MAP4K2: variants seen among roughly 807,000 people sequenced by gnomAD.
MAP4K2 encodes B lymphocyte serine/threonine protein kinase.
A neutral mutation model predicts 125.3 loss-of-function variants in MAP4K2; 85 were observed. That is an observed-to-expected ratio of 0.68 (90% CI 0.57 to 0.81). The LOEUF (loss-of-function observed/expected upper bound fraction) is 0.81. Ranked by LOEUF, MAP4K2 falls within the 40% of genes least tolerant of loss-of-function variation. The pLI is 0.00. For missense variants in MAP4K2, 923 were observed against 1,056.4 expected, an observed-to-expected ratio of 0.87 and a Z score of 1.75; for synonymous variants, 479 against 445.1, an observed-to-expected ratio of 1.08 and a Z score of -0.96.
chr11:64,802,828 C>T lies in MAP4K2; in HGVS notation c.154+57G>A, dbSNP rs1941307443. The T allele has an allele frequency of 3.2e-6, 5 of 1,554,042 alleles. No individual in the cohort carries two copies. In the South Asian group the frequency reaches 4.7e-5, roughly 14 times the overall value. The stretch of plus-strand genomic sequence containing the variant: ...AAACGTCAACCCTCCGCCCGCACCC[C>T]GCGCCCGCGGGCGCTCTGCCCTTCC... On this transcript the variant is annotated intron_variant, in intron 2 of 31. Transcript: ENST00000294066.
Position 64,802,129 on chromosome 11 carries a change from G to A in MAP4K2, c.311-8C>T. The A allele has an allele frequency of 6.2e-7, 1 of 1,612,786 alleles. No individual in the cohort carries two copies. The highest frequency in any genetic ancestry group is 8.5e-7 in the Non-Finnish European group (1 of 1,179,788). ...CCTCCAGGGGCCCAGTGGCTGAAAGGAAAAGGGAGAGGCTGGCTTGGGGGC... is the reference window on the plus strand; with the variant it reads ...CCTCCAGGGGCCCAGTGGCTGAAAGAAAAAGGGAGAGGCTGGCTTGGGGGC... On this transcript the variant is annotated splice_polypyrimidine_tract_variant and splice_region_variant and intron_variant, in intron 4 of 31. Coordinates refer to ENST00000294066, the MANE Select transcript of MAP4K2 (RefSeq NM_004579.5).
In MAP4K2 at chr11:64,797,366, T is replaced by A; in HGVS notation, c.1185A>T (p.Pro395=). 1 of 1,589,472 alleles carries A rather than the reference T, an allele frequency of 6.3e-7. No individual in the cohort carries two copies. ...GCTTGATGGTTCCCATGGTATCGTCTGGGGAGTCCAGCTCCTGGTAGGAGG... is the reference window on the plus strand; with the variant it reads ...GCTTGATGGTTCCCATGGTATCGTCAGGGGAGTCCAGCTCCTGGTAGGAGG... ...SASEFQELDS[P]DDTMGTIKRA... Residue 395 remains proline (P), a synonymous_variant, in exon 18 of 32, where the codon CCA becomes CCT. Coordinates refer to ENST00000294066, the MANE Select transcript of MAP4K2 (RefSeq NM_004579.5).
intron 12 of MAP4K2, among the ~76,000 whole-genome samples, 190 bp from the exon 13 acceptor site, chr11:64,799,873 G>A (rs1410386442): frequency 6.6e-6 from 1 of 152,218 alleles, no homozygotes; most frequent in African/African-American, 2.4e-5. Context: ...CACACAGAAA[G>A]CAAGAAAATG....
At position 64,799,528 on chromosome 11, in the gene MAP4K2, A is replaced by T. The variant is rs776659995; in HGVS notation, c.995-49T>A. 6.2e-6 allele frequency: 10 copies of T among 1,611,516 alleles called. No homozygotes were observed. The South Asian group carries it at 1.1e-4, about 18-fold the overall frequency. On this transcript the variant is annotated intron_variant, in intron 13 of 31. Coordinates refer to ENST00000294066, the MANE Select transcript of MAP4K2 (RefSeq NM_004579.5). The stretch of plus-strand genomic sequence containing the variant: ...TGAAGGAGCTGGAGTCTCAGGATGG[A>T]CCTCTACTCACACCAAATCCATGTG...
rs1940512022 is a variant in MAP4K2, at chr11:64,792,009, C to T, written c.1992G>A (p.Val664=). ...LVLDGKELPQ[V]CVGAEGPEGP... Reference sequence around the variant, plus strand: ...CCTCAGGCCCCTCGGCCCCAACACACACCTGCGGCAGCTCCTTCCCATCCA... The same window carrying T: ...CCTCAGGCCCCTCGGCCCCAACACATACCTGCGGCAGCTCCTTCCCATCCA... The change falls in exon 27 of 32, where the codon GTG becomes GTA. Residue 664 remains valine, a synonymous_variant. Transcript: ENST00000294066. 23 of 1,598,932 alleles carry T rather than the reference C, an allele frequency of 1.4e-5. No homozygotes were observed. The highest frequency in any genetic ancestry group is 2.0e-5 in the Non-Finnish European group (23 of 1,173,388).
chr11:64,794,939 T>C (rs1940704008), intron 24 of MAP4K2, among the ~76,000 whole-genome samples: 1 of 152,128 alleles, frequency 6.6e-6, no homozygotes, highest in Non-Finnish European at 1.5e-5. Flanking sequence ...CAGGCTTCAA[T>C]GCAGTGGTAC....
chr11:64,798,671 G>A (rs1329081801), intron 15 of MAP4K2, 123 bp downstream of exon 15: 18 of 989,658 alleles, frequency 1.8e-5, no homozygotes, highest in Non-Finnish European at 4.7e-6. Flanking sequence ...CTGACCTCAG[G>A]TGATCCACCC....
rs1169635749 is a variant in MAP4K2 at position 64,798,777 on chromosome 11, C to T, written c.1097+17G>A. The T allele has an allele frequency of 1.9e-6, 3 of 1,612,768 alleles. No individual in the cohort carries two copies. Among genetic ancestry groups the T allele is most frequent in the Non-Finnish European group, 2.5e-6 (3 of 1,179,446 alleles). Reference sequence around the variant, plus strand: ...CCGCCCCTGCCACCCCCTGCAGCTTCCCCATACCTCACTTACCCACTCAAC... The same window carrying T: ...CCGCCCCTGCCACCCCCTGCAGCTTTCCCATACCTCACTTACCCACTCAAC... On this transcript the variant is annotated intron_variant, in intron 15 of 31. Coordinates refer to ENST00000294066, the MANE Select transcript of MAP4K2 (RefSeq NM_004579.5).
rs1940795275 is a variant in MAP4K2, at chr11:64,796,325, G to A, written c.1699C>T (p.Gln567Ter). The A allele has an allele frequency of 6.4e-7, 1 of 1,553,654 alleles. No individual in the cohort carries two copies. The highest frequency in any genetic ancestry group is 8.7e-7 in the Non-Finnish European group (1 of 1,149,122). ...GLFEQRRLQQ[Q>*]VPLSIPTNRL... ...TTGGTGGGGATGGAGAGGGGAACCT[G>A]TTGCTGTAGCCTCCGCTGCTCAAAC... Residue 567 changes from glutamine (Q) to a stop codon, truncating the protein, a stop_gained, in exon 24 of 32, where the codon CAG (glutamine) becomes TAG (stop). Coordinates refer to ENST00000294066, the MANE Select transcript of MAP4K2 (RefSeq NM_004579.5). LOFTEE classifies it high-confidence loss of function.
rs972159966 is a variant in MAP4K2 at position 64,792,062 on chromosome 11, G to C, written c.1939C>G (p.Pro647Ala). ...LKNFSSPLPS[P>A]AGMLEPLVLD... ...ACCAGCGGCTCCAGCATCCCAGCTG[G>C]GCTGGGCAGAGGGCTGGAGAAGTTC... Residue 647 changes from proline to alanine, a missense_variant, in exon 27 of 32, where the codon CCA becomes GCA. By Grantham distance (27) the Pro-to-Ala change is conservative. This residue lies in a region of MAP4K2 where 833 missense variants were observed against 911.4 expected (regional missense o/e 0.91). Transcript: ENST00000294066. 4 of 1,591,678 alleles carry C rather than the reference G, an allele frequency of 2.5e-6. No individual in the cohort carries two copies. The highest frequency in any genetic ancestry group is 3.4e-6 in the Non-Finnish European group (4 of 1,169,484).
In MAP4K2 at chr11:64,797,290, G is replaced by A; in HGVS notation, c.1261C>T (p.Leu421=). ...LPTDPPAEEP[L]SSPPGTLPPP... is the part of the protein sequence containing the mutation. ...TGAGACTCACCTGGGGGACTGGACA[G>A]AGGCTCCTCTGCTGGAGGGTCAGTG... is the stretch of plus-strand genomic sequence containing the variant. The change falls in exon 18 of 32, where the codon CTG becomes TTG. Residue 421 remains leucine (L), a synonymous_variant. Coordinates refer to ENST00000294066, the MANE Select transcript of MAP4K2 (RefSeq NM_004579.5). 1.2e-6 allele frequency: 2 copies of A among 1,601,846 alleles called. No homozygotes were observed. Among genetic ancestry groups the A allele is most frequent in the Non-Finnish European group, 1.7e-6 (2 of 1,174,384 alleles).
chr11:64,801,893 G>A (rs1050656071), intron 5 of MAP4K2, 136 bp from the exon 6 acceptor site: 2 of 1,152,788 alleles, frequency 1.7e-6, no homozygotes, highest in Non-Finnish European at 2.5e-6. Context: ...ACTGAGCCAA[G>A]AGGGAAATGG....
intron 4 of MAP4K2, 115 bp from the exon 5 acceptor site, chr11:64,802,236 G>A (rs774222406): frequency 9.0e-7 from 1 of 1,107,332 alleles, no homozygotes; most frequent in Non-Finnish European, 1.3e-6. Flanking sequence ...TGTTGGCCAC[G>A]TCCCCTCCCA....
At position 64,800,410 on chromosome 11, in the gene MAP4K2, C is replaced by A. The variant is rs749367016; in HGVS notation, c.726-18G>T. 4 of 1,612,966 alleles carry A rather than the reference C, an allele frequency of 2.5e-6. No individual in the cohort carries two copies. Among genetic ancestry groups the A allele is most frequent in the Middle Eastern group, 1.7e-4 (1 of 6,058 alleles). On this transcript the variant is annotated intron_variant, in intron 10 of 31. Transcript: ENST00000294066. Reference sequence around the variant, plus strand: ...TCTGGGTCCTAGAAGGCACAAGAGCCCCCCAGCGCCAGATCCAGGTTAGCC... The same window carrying A: ...TCTGGGTCCTAGAAGGCACAAGAGCACCCCAGCGCCAGATCCAGGTTAGCC...
At chr11:64,799,967 A>G (rs1941061524) in intron 12 of MAP4K2, 142 bp downstream of exon 12, 1 of 728,070 alleles carries the variant, frequency 1.4e-6, no homozygotes, top group Non-Finnish European at 2.3e-6. Flanking sequence ...TCAGCATGAC[A>G]GAGACTCCTA....
At chr11:64,798,249 T>C (rs1432557380) in intron 15 of MAP4K2, among the ~76,000 whole-genome samples, 1 of 152,062 alleles carries the variant, frequency 6.6e-6, no homozygotes, top group Non-Finnish European at 1.5e-5. Context: ...CACCGCAACC[T>C]CCGCCTCCCG....
rs1035385057 is a variant in MAP4K2 at position 64,786,891 on chromosome 11, C to T, written c.*2646G>A. The stretch of plus-strand genomic sequence containing the variant: ...ATGGGAAACATACACAATGGAATAC[C>T]ACTAGCTGTAAAAAAAAAAAAATTT... On this transcript the variant is annotated 3_prime_UTR_variant, in exon 32 of 32. Transcript: ENST00000294066. 3.7e-4 allele frequency: 56 copies of T among 149,672 alleles called. No individual in the cohort carries two copies. The highest frequency in any genetic ancestry group is 1.2e-3 in the African/African-American group (50 of 40,340). 9.3% of individuals were successfully genotyped at this position (149,672 alleles called of 1,614,324 possible). A position where few individuals can be genotyped will look rare whatever the true frequency, so the allele number is the denominator to read the frequency against.
chr11:64,791,845 G>GCCTCCCTC, intron 27 of MAP4K2, 64 bp downstream of exon 27: 1 of 1,439,902 alleles, frequency 6.9e-7, no homozygotes, highest in Non-Finnish European at 9.2e-7. Flanking sequence ...GGCCCTCCCT[G>GCCTCCCTC]CCTCCCTCCC....
At position 64,802,449 on chromosome 11, in the gene MAP4K2, C is replaced by A. The variant is rs149943726; in HGVS notation, c.280G>T (p.Gly94Ter). The A allele has an allele frequency of 1.3e-6, 2 of 1,505,536 alleles. No individual in the cohort carries two copies. Among genetic ancestry groups the A allele is most frequent in the Admixed American group, 4.6e-5 (2 of 43,060 alleles). The allele number at this position is 1,505,536 out of a possible 1,614,324, so 93.3% of individuals were successfully genotyped here. ...TAAATCTCCTGCAGGGAGCCCCCTC[C>A]GCAGAACTCCATGCAGATCCACAAG... is the stretch of plus-strand genomic sequence containing the variant. ...DRLWICMEFCGGGSLQEIYHA... is the reference protein window; with the variant it reads ...DRLWICMEFC The change falls in exon 4 of 32, where the codon GGA becomes TGA. Residue 94 changes from glycine (G) to a stop codon, truncating the protein, a stop_gained. Coordinates refer to ENST00000294066, the MANE Select transcript of MAP4K2 (RefSeq NM_004579.5). LOFTEE classifies it high-confidence loss of function.
Sources: allele counts gnomAD v4.1 joint callset (sites outside exome capture counted in the v4.1 genomes callset), GRCh38; gene constraint gnomAD v4.1.1; regional missense constraint gnomAD v4.1.1; transcripts MANE v1.5; gene names NCBI Gene and HGNC (gene_info 2026-07-23, HGNC 2026-07-21).